The following CYTH3 variants were observed in gnomAD, a reference collection of about 807,000 sequenced individuals.
CYTH3 encodes cytohesin 3.
In CYTH3, 23 loss-of-function variants were observed where a neutral mutation model predicts 55.1. The observed-to-expected ratio is 0.42, with a 90% CI of 0.30 to 0.59. The LOEUF is 0.59. Among genes scored for constraint, CYTH3 ranks in the 20% least tolerant of loss-of-function variants. CYTH3 has a pLI of 0.20. For missense variants in CYTH3, 413 were observed against 524.8 expected (o/e 0.79, Z 2.08); for synonymous variants, 249 against 194.9 (o/e 1.28, Z -2.31).
chr7:6,245,449 T>G (rs1441585991), intron 1 of CYTH3, among the ~76,000 whole-genome samples: 6 of 152,160 alleles, frequency 3.9e-5, no homozygotes, highest in Non-Finnish European at 7.4e-5. Context: ...TGCTCTCTAC[T>G]TTCTTTTTCA....
At chr7:6,211,116 C>T (rs933062310) in intron 1 of CYTH3, among the ~76,000 whole-genome samples, 1 of 152,174 alleles carries the variant, frequency 6.6e-6, no homozygotes, top group Admixed American at 6.5e-5. Flanking sequence ...GCCTATAGTG[C>T]CCTCCCTGAT....
intron 1 of CYTH3, among the ~76,000 whole-genome samples, chr7:6,262,504 A>G (rs1321430893): frequency 1.3e-5 from 2 of 152,208 alleles, no homozygotes; most frequent in South Asian, 2.1e-4. Flanking sequence ...AAGAGTGACA[A>G]TAAGACTGAT....
At chr7:6,272,410 G>GGGCCCCCCCCCCCC in intron 1 of CYTH3, 64 bp downstream of exon 1, 1 of 1,216,618 alleles carries the variant, frequency 8.2e-7, no homozygotes, top group Non-Finnish European at 1.1e-6. Context: ...CCGCGCCCTC[G>GGGCCCCCCCCCCCC]ACCCCCAGCC....
chr7:6,241,084 T>C (rs972740048), intron 1 of CYTH3, among the ~76,000 whole-genome samples: 4 of 151,928 alleles, frequency 2.6e-5, no homozygotes, highest in South Asian at 2.1e-4. Flanking sequence ...ATTGTGCCAC[T>C]GCACTCCAGC....
At chr7:6,196,298 G>A (rs1011168442) in intron 1 of CYTH3, among the ~76,000 whole-genome samples, 2 of 152,146 alleles carry the variant, frequency 1.3e-5, no homozygotes, top group African/African-American at 4.8e-5. Flanking sequence ...AACGTGAGAA[G>A]TAGGAAAGAA....
Position 6,220,587 on chromosome 7 carries a change from A to AG in CYTH3, c.35-30057_35-30056insC, listed in dbSNP as rs1254444089. On this transcript the variant is annotated intron_variant, in intron 1 of 12. Coordinates refer to ENST00000350796, the MANE Select transcript of CYTH3 (RefSeq NM_004227.4). ...AACATCCTGTCTCAAAAAAAAAAAA[A>AG]AAAAAAAACCAAAGGCTGGCAAAGA... Among the ~76,000 whole-genome samples, 285 of 152,050 alleles carry AG rather than the reference A, an allele frequency of 1.9e-3. 1 individual carries two copies. Among genetic ancestry groups the AG allele is most frequent in the African/African-American group, 6.5e-3 (270 of 41,526 alleles).
At chr7:6,199,124 C>T (rs1321382968) in intron 1 of CYTH3, among the ~76,000 whole-genome samples, 1 of 152,190 alleles carries the variant, frequency 6.6e-6, no homozygotes, top group South Asian at 2.1e-4. Flanking sequence ...GCCAGTGAAG[C>T]TTTACATAAG....
In CYTH3 at chr7:6,165,019, GGT is replaced by G; in HGVS notation, c.1128-5_1128-4del. 6.2e-7 allele frequency: 1 copy of G among 1,614,132 alleles called. No homozygotes were observed. The highest frequency in any genetic ancestry group is 8.5e-7 in the Non-Finnish European group (1 of 1,180,010). ...AGGGATCTCTGCTGATACTGGCTCTGGTGAAAAAAGGAAAACACACAGGTTAG... is the reference window on the plus strand; with the variant it reads ...AGGGATCTCTGCTGATACTGGCTCTGGAAAAAAGGAAAACACACAGGTTAG... On this transcript the variant is annotated splice_polypyrimidine_tract_variant and splice_region_variant and intron_variant, in intron 12 of 12. Transcript: ENST00000350796.
intron 1 of CYTH3, among the ~76,000 whole-genome samples, chr7:6,258,290 G>A (rs1237395349): frequency 6.7e-6 from 1 of 149,830 alleles, no homozygotes; most frequent in Non-Finnish European, 1.5e-5. Flanking sequence ...TCTGGCATAG[G>A]AGACAGAGCA....
intron 1 of CYTH3, among the ~76,000 whole-genome samples, chr7:6,266,417 G>C (rs1780495018): frequency 6.6e-6 from 1 of 152,172 alleles, no homozygotes; most frequent in Non-Finnish European, 1.5e-5. Context: ...ACAGCATCAA[G>C]TAAATATTAG....
rs1243949103 is a variant in CYTH3, at chr7:6,162,674, A to G, written c.*2270T>C. ...CCACAAAGTACCTGGAGTCTAACTC[A>G]GCACCACAGCCTCTGCATGGCTCCC... On this transcript the variant is annotated 3_prime_UTR_variant, in exon 13 of 13. Coordinates refer to ENST00000350796, the MANE Select transcript of CYTH3 (RefSeq NM_004227.4). 1 of 152,290 alleles carries G rather than the reference A, an allele frequency of 6.6e-6. No homozygotes were observed. The highest frequency in any genetic ancestry group is 2.4e-5 in the African/African-American group (1 of 41,468). The allele number at this position is 152,290 out of a possible 1,614,324, so 9.4% of individuals were successfully genotyped here.
intron 1 of CYTH3, among the ~76,000 whole-genome samples, chr7:6,199,692 T>C (rs993178159): frequency 6.6e-6 from 1 of 152,186 alleles, no homozygotes. Context: ...TTGTTACCGA[T>C]GCAAAACAAT....
chr7:6,239,435 A>G (rs1476734039), intron 1 of CYTH3, among the ~76,000 whole-genome samples: 1 of 152,172 alleles, frequency 6.6e-6, no homozygotes, highest in Non-Finnish European at 1.5e-5. Flanking sequence ...GTTGATGTCT[A>G]GCCCTACTAT....
intron 1 of CYTH3, among the ~76,000 whole-genome samples, chr7:6,268,128 G>C (rs1449527179): frequency 6.6e-6 from 1 of 151,984 alleles, no homozygotes; most frequent in East Asian, 1.9e-4. Context: ...ACACAAGAAT[G>C]GGAGCACGCA....
Position 6,167,227 on chromosome 7 carries a change from C to T in CYTH3, c.824-1417G>A, listed in dbSNP as rs567891128. ...AAGCCCTTGGCCTTCACCTTCCCCA[C>T]CTCCACTGCAGCACACCAGGGAGGC... On this transcript the variant is annotated intron_variant, in intron 9 of 12. Transcript: ENST00000350796. This position sits in a 1 kb window ranked among gnomAD's most constrained non-coding sequence, Gnocchi z 5.5. Among the ~76,000 whole-genome samples the T allele has an allele frequency of 2.6e-5, 4 of 152,330 alleles. No homozygotes were observed. The South Asian group carries it at 8.3e-4, about 32-fold the overall frequency.
intron 1 of CYTH3, among the ~76,000 whole-genome samples, chr7:6,263,968 C>T (rs1315151455): frequency 2.6e-5 from 4 of 151,854 alleles, no homozygotes; most frequent in African/African-American, 4.8e-5. Flanking sequence ...CAATTAGGGC[C>T]GGGTGCGGTT....
intron 1 of CYTH3, among the ~76,000 whole-genome samples, chr7:6,264,059 C>G (rs1025782267): frequency 3.9e-5 from 6 of 151,992 alleles, no homozygotes; most frequent in African/African-American, 1.5e-4. Flanking sequence ...CCAGCCTGGC[C>G]AACATGGTGA....
chr7:6,267,689 A>G (rs1175263931), intron 1 of CYTH3, among the ~76,000 whole-genome samples: 1 of 152,124 alleles, frequency 6.6e-6, no homozygotes, highest in Non-Finnish European at 1.5e-5. Flanking sequence ...ATGCCCGGCT[A>G]ATTTTTGTAT....
At chr7:6,174,877 G>A (rs1470870311) in intron 5 of CYTH3, among the ~76,000 whole-genome samples, 1 of 152,136 alleles carries the variant, frequency 6.6e-6, no homozygotes, top group Non-Finnish European at 1.5e-5. Flanking sequence ...GCATCTCCTT[G>A]ATGATCAATT....
Sources: allele counts gnomAD v4.1 joint callset (sites outside exome capture counted in the v4.1 genomes callset), GRCh38; gene constraint gnomAD v4.1.1; non-coding constraint Gnocchi (gnomAD v3.1); transcripts MANE v1.5; gene names NCBI Gene and HGNC (gene_info 2026-07-23, HGNC 2026-07-21).